Variants in AGPAT4 observed in about 807,000 individuals in gnomAD.
AGPAT4 encodes 1-acylglycerol-3-phosphate O-acyltransferase 4, also known as 1-acyl-sn-glycerol-3-phosphate acyltransferase delta.
A neutral mutation model predicts 48.0 loss-of-function variants in AGPAT4; 15 were observed. The ratio of observed to expected loss-of-function variants is 0.31; its 90% CI spans 0.21 to 0.48. The LOEUF is 0.48. Ranked by LOEUF, AGPAT4 falls within the 20% of genes least tolerant of loss-of-function variation. AGPAT4 has a pLI of 0.99. For synonymous variants in AGPAT4, 178 were observed against 198.7 expected, an observed-to-expected ratio of 0.90 and a Z score of 0.88; for missense variants, 314 against 482.5, an observed-to-expected ratio of 0.65 and a Z score of 3.27.
chr6:161,152,965 A>G (rs1160325906), intron 5 of AGPAT4, among the ~76,000 whole-genome samples: 1 of 152,220 alleles, frequency 6.6e-6, no homozygotes, highest in East Asian at 1.9e-4. Context: ...GACAGACCAC[A>G]AGGTCAGAGT....
chr6:161,222,969 C>T lies in AGPAT4; in HGVS notation c.178+9067G>A, dbSNP rs1490498774. Among the ~76,000 whole-genome samples the T allele has an allele frequency of 5.3e-5, 8 of 152,180 alleles. No homozygotes were observed. Among genetic ancestry groups the T allele is most frequent in the African/African-American group, 1.9e-4 (8 of 41,436 alleles). On this transcript the variant is annotated intron_variant, in intron 2 of 8. Coordinates refer to ENST00000320285, the MANE Select transcript of AGPAT4 (RefSeq NM_020133.3). This position sits in a 1 kb window ranked among gnomAD's most constrained non-coding sequence, Gnocchi z 5.9. ...ACCTACTGAACCACCTCTCCTCTTG[C>T]CAACATCTCACAATTCCCCTCATTC...
At position 161,208,237 on chromosome 6, in the gene AGPAT4, C is replaced by T. The variant is rs75328452; in HGVS notation, c.178+23799G>A. On this transcript the variant is annotated intron_variant, in intron 2 of 8. Transcript: ENST00000320285. The surrounding 1 kb of genome is among the most constrained non-coding windows in gnomAD (Gnocchi z 4.6). ...TTTATATGAACGTTAGCTACCAAGA[C>T]AAGCACTGTTACTAAAAGTAAGCTA... Among the ~76,000 whole-genome samples the T allele has an allele frequency of 5.8e-3, 881 of 152,234 alleles. 8 individuals carry two copies. Among genetic ancestry groups the T allele is most frequent in the African/African-American group, 0.02 (846 of 41,544 alleles).
chr6:161,143,840 G>A lies in AGPAT4; in HGVS notation c.843+2684C>T, dbSNP rs141592474. ...TTTATGTCCATGCTTGGAAAGACCA[G>A]AATGTTGGCACACCTCTGTTGGCTG... On this transcript the variant is annotated intron_variant, in intron 7 of 8. Coordinates refer to ENST00000320285, the MANE Select transcript of AGPAT4 (RefSeq NM_020133.3). The surrounding 1 kb of genome is among the most constrained non-coding windows in gnomAD (Gnocchi z 4.7). 130 of 274,468 alleles carry A rather than the reference G, an allele frequency of 4.7e-4. No homozygotes were observed. The highest frequency in any genetic ancestry group is 2.9e-3 in the African/African-American group (128 of 44,898). The allele number at this position is 274,468 out of a possible 1,614,324, so 17.0% of individuals were successfully genotyped here.
intron 1 of AGPAT4, among the ~76,000 whole-genome samples, chr6:161,271,708 T>G (rs1277901566): frequency 6.6e-6 from 1 of 152,256 alleles, no homozygotes; most frequent in Non-Finnish European, 1.5e-5. Flanking sequence ...GTTGTTTTTG[T>G]TTTGGCTGTG....
At position 161,264,234 on chromosome 6, in the gene AGPAT4, C is replaced by A. The variant is rs530317395; in HGVS notation, c.-90+9704G>T. ...GGCGTCAAAGACACCCTCCATACAA[C>A]AAGTTACCAAACCCTCCTGGCTTTC... On this transcript the variant is annotated intron_variant, in intron 1 of 8. Transcript: ENST00000320285. This position sits in a 1 kb window ranked among gnomAD's most constrained non-coding sequence, Gnocchi z 6.8. Among the ~76,000 whole-genome samples, 19 of 152,314 alleles carry A rather than the reference C, an allele frequency of 1.2e-4. No homozygotes were observed. The highest frequency in any genetic ancestry group is 2.6e-4 in the Non-Finnish European group (18 of 68,022).
rs1778896155 is a variant in AGPAT4 at position 161,131,456 on chromosome 6, C to CT, written c.*5083dup. The CT allele has an allele frequency of 6.6e-6, 1 of 152,534 alleles. No homozygotes were observed. Among genetic ancestry groups the CT allele is most frequent in the African/African-American group, 2.4e-5 (1 of 41,440 alleles). The allele number at this position is 152,534 out of a possible 1,614,324, so 9.4% of individuals were successfully genotyped here. On this transcript the variant is annotated 3_prime_UTR_variant, in exon 9 of 9. Coordinates refer to ENST00000320285, the MANE Select transcript of AGPAT4 (RefSeq NM_020133.3). ...TCAAGTTTATTTTGGCCTAATTATT[C>CT]TTAAGAAAGGTGGTTCTTTTTTAGA...
In AGPAT4 at chr6:161,251,631, C is replaced by T. The variant is rs1192971689; in HGVS notation, c.-89-19329G>A. Among the ~76,000 whole-genome samples the T allele has an allele frequency of 2.6e-5, 4 of 152,194 alleles. No individual in the cohort carries two copies. The highest frequency in any genetic ancestry group is 4.8e-5 in the African/African-American group (2 of 41,452). On this transcript the variant is annotated intron_variant, in intron 1 of 8. Coordinates refer to ENST00000320285, the MANE Select transcript of AGPAT4 (RefSeq NM_020133.3). The surrounding 1 kb of genome is among the most constrained non-coding windows in gnomAD (Gnocchi z 4.6). Reference sequence around the variant, plus strand: ...AGACCCGCAGGGAGGATGGAAGCTGCGCCTGAGAGCTCCTGCAAGTTCATT... The same window carrying T: ...AGACCCGCAGGGAGGATGGAAGCTGTGCCTGAGAGCTCCTGCAAGTTCATT...
At position 161,212,589 on chromosome 6, in the gene AGPAT4, A is replaced by C. The variant is rs1297145950; in HGVS notation, c.178+19447T>G. On this transcript the variant is annotated intron_variant, in intron 2 of 8. Coordinates refer to ENST00000320285, the MANE Select transcript of AGPAT4 (RefSeq NM_020133.3). This position sits in a 1 kb window ranked among gnomAD's most constrained non-coding sequence, Gnocchi z 6.1. ...TAAATATGTTATTGGTATGTGTTCC[A>C]AAATCAGGGTAAACTCCTGTAATTC... Among the ~76,000 whole-genome samples, 1 of 152,216 alleles carries C rather than the reference A, an allele frequency of 6.6e-6. No individual in the cohort carries two copies. The highest frequency in any genetic ancestry group is 1.5e-5 in the Non-Finnish European group (1 of 68,038).
At position 161,235,961 on chromosome 6, in the gene AGPAT4, C is replaced by T. The variant is rs1782263181; in HGVS notation, c.-89-3659G>A. 6.6e-6 allele frequency among the ~76,000 whole-genome samples: 1 copy of T among 152,186 alleles called. No homozygotes were observed. The highest frequency in any genetic ancestry group is 2.1e-4 in the South Asian group (1 of 4,824). On this transcript the variant is annotated intron_variant, in intron 1 of 8. Coordinates refer to ENST00000320285, the MANE Select transcript of AGPAT4 (RefSeq NM_020133.3). The surrounding 1 kb of genome is among the most constrained non-coding windows in gnomAD (Gnocchi z 6.2). ...CTTTCCCATCTTGAATAAAACAGCACTTTCTCTTCTAACGTGGCAATTAGC... is the reference window on the plus strand; with the variant it reads ...CTTTCCCATCTTGAATAAAACAGCATTTTCTCTTCTAACGTGGCAATTAGC...
At chr6:161,239,162 T>C (rs531743037) in intron 1 of AGPAT4, among the ~76,000 whole-genome samples, 2 of 152,328 alleles carry the variant, frequency 1.3e-5, no homozygotes, top group African/African-American at 2.4e-5. Flanking sequence ...GTTTGGTCGA[T>C]GGGACTGCTG....
rs1779209466 is a variant in AGPAT4, at chr6:161,140,312, G to A, written c.844-692C>T. Reference sequence around the variant, plus strand: ...CTCTTCTAAGTGATTGTTAGACCGTGTGAAAGGTAAACAAACAGGCTCATG... The same window carrying A: ...CTCTTCTAAGTGATTGTTAGACCGTATGAAAGGTAAACAAACAGGCTCATG... On this transcript the variant is annotated intron_variant, in intron 7 of 8. Coordinates refer to ENST00000320285, the MANE Select transcript of AGPAT4 (RefSeq NM_020133.3). This position sits in a 1 kb window ranked among gnomAD's most constrained non-coding sequence, Gnocchi z 6.5. 6.6e-6 allele frequency among the ~76,000 whole-genome samples: 1 copy of A among 152,226 alleles called. No homozygotes were observed. The highest frequency in any genetic ancestry group is 1.5e-5 in the Non-Finnish European group (1 of 68,034).
In AGPAT4 at chr6:161,226,493, C is replaced by T. The variant is rs1317282424; in HGVS notation, c.178+5543G>A. On this transcript the variant is annotated intron_variant, in intron 2 of 8. Coordinates refer to ENST00000320285, the MANE Select transcript of AGPAT4 (RefSeq NM_020133.3). The surrounding 1 kb of genome is among the most constrained non-coding windows in gnomAD (Gnocchi z 6.3). ...TTTGGGGGATCAACAGCTTTCTTAT[C>T]GAGAACACCACAGACTTCCCTTGTA... 1.3e-5 allele frequency among the ~76,000 whole-genome samples: 2 copies of T among 152,136 alleles called. No individual in the cohort carries two copies. Among genetic ancestry groups the T allele is most frequent in the African/African-American group, 4.8e-5 (2 of 41,420 alleles).
In AGPAT4 at chr6:161,219,901, A is replaced by AGGC. The variant is rs1554236595; in HGVS notation, c.178+12132_178+12134dup. ...CAGGCAGGCAGGCAGGCAGGCAGGC[A>AGGC]GGCAGGCAGGCAGGCGGCAGGCAGG... On this transcript the variant is annotated intron_variant, in intron 2 of 8. Transcript: ENST00000320285. This position sits in a 1 kb window ranked among gnomAD's most constrained non-coding sequence, Gnocchi z 4.9. Among the ~76,000 whole-genome samples the AGGC allele has an allele frequency of 1.2e-4, 16 of 138,258 alleles. No individual in the cohort carries two copies. The highest frequency in any genetic ancestry group is 4.6e-4 in the African/African-American group (15 of 32,492). The allele number at this position is 138,258 out of a possible 152,430, so 90.7% of individuals were successfully genotyped here.
intron 1 of AGPAT4, among the ~76,000 whole-genome samples, chr6:161,258,694 A>G (rs926569826): frequency 5.3e-5 from 8 of 152,084 alleles, no homozygotes; most frequent in Admixed American, 2.6e-4. Flanking sequence ...AACACCATCC[A>G]CAGAGAGTCA....
chr6:161,147,431 T>C lies in AGPAT4; in HGVS notation c.768-832A>G, dbSNP rs1003470470. 6.6e-6 allele frequency among the ~76,000 whole-genome samples: 1 copy of C among 152,242 alleles called. No homozygotes were observed. Among genetic ancestry groups the C allele is most frequent in the African/African-American group, 2.4e-5 (1 of 41,460 alleles). On this transcript the variant is annotated intron_variant, in intron 6 of 8. Transcript: ENST00000320285. This position sits in a 1 kb window ranked among gnomAD's most constrained non-coding sequence, Gnocchi z 4.8. ...ACTCAATTTTGTCCATGTCAAAGTC[T>C]GCATCTGGCTTGATTTCTCAGGTCA...
chr6:161,265,034 T>G (rs1272987999), intron 1 of AGPAT4, among the ~76,000 whole-genome samples: 1 of 152,090 alleles, frequency 6.6e-6, no homozygotes, highest in Non-Finnish European at 1.5e-5. Context: ...ACTGTGGGGA[T>G]GGATGCTAGG....
At chr6:161,160,369 C>CA (rs1450558212) in intron 3 of AGPAT4, 2 of 153,300 alleles carry the variant, frequency 1.3e-5, no homozygotes, top group African/African-American at 4.8e-5. Context: ...AGAAAAATCT[C>CA]AAGAGAGTCT....
rs1779343823 is a variant in AGPAT4, at chr6:161,144,231, C to T, written c.843+2293G>A. On this transcript the variant is annotated intron_variant, in intron 7 of 8. Transcript: ENST00000320285. The surrounding 1 kb of genome is among the most constrained non-coding windows in gnomAD (Gnocchi z 6.6). ...CCAGCCTCCCAGGCCTGCTCACAGA[C>T]ACATACTGCTTAGAGAACTCGGTGT... 1 of 529,270 alleles carries T rather than the reference C, an allele frequency of 1.9e-6. No homozygotes were observed. The highest frequency in any genetic ancestry group is 1.9e-5 in the African/African-American group (1 of 51,848). 32.8% of individuals were successfully genotyped at this position (529,270 alleles called of 1,614,324 possible). A position where few individuals can be genotyped will look rare whatever the true frequency, so the allele number is the denominator to read the frequency against.
rs543149348 is a variant in AGPAT4 at position 161,201,298 on chromosome 6, A to G, written c.178+30738T>C. 2.6e-5 allele frequency among the ~76,000 whole-genome samples: 4 copies of G among 152,312 alleles called. No individual in the cohort carries two copies. Among genetic ancestry groups the G allele is most frequent in the Non-Finnish European group, 4.4e-5 (3 of 68,026 alleles). On this transcript the variant is annotated intron_variant, in intron 2 of 8. Transcript: ENST00000320285. This position sits in a 1 kb window ranked among gnomAD's most constrained non-coding sequence, Gnocchi z 6.0. ...AATTTTCTCTGGGACTGGATTAATG[A>G]GCTCTACAGTCCCAAGAGAGAGGTT...
Sources: allele counts gnomAD v4.1 joint callset (sites outside exome capture counted in the v4.1 genomes callset), GRCh38; gene constraint gnomAD v4.1.1; non-coding constraint Gnocchi (gnomAD v3.1); transcripts MANE v1.5; gene names NCBI Gene and HGNC (gene_info 2026-07-23, HGNC 2026-07-21).